DRC11: variants seen among roughly 807,000 people sequenced by gnomAD.
DRC11 encodes IQ and AAA domain-containing protein 1.
chr2:236,493,875 T>A, the DRC11 span: 1 of 1,602,036 alleles, frequency 6.2e-7, no homozygotes, highest in Non-Finnish European at 8.5e-7. Context: ...GGTATGGGAA[T>A]ATCTAATTGT....
the DRC11 span, among the ~76,000 whole-genome samples, chr2:236,475,207 C>T: frequency 5.3e-5 from 8 of 152,256 alleles, no homozygotes; most frequent in East Asian, 7.7e-4. The surrounding 1 kb of genome is among the most constrained non-coding windows in gnomAD (Gnocchi z 4.8). Context: ...TTAGCTCCCA[C>T]GTACAAGTGA....
chr2:236,421,741 G>C, the DRC11 span, among the ~76,000 whole-genome samples: 18 of 152,140 alleles, frequency 1.2e-4, no homozygotes, highest in Non-Finnish European at 2.4e-4. Flanking sequence ...ACCAAAGCCT[G>C]GCAGAGACAC....
the DRC11 span, among the ~76,000 whole-genome samples, chr2:236,307,913 G>T: frequency 1.3e-5 from 2 of 152,210 alleles, no homozygotes; most frequent in South Asian, 4.1e-4. This position sits in a 1 kb window ranked among gnomAD's most constrained non-coding sequence, Gnocchi z 7.0. Context: ...TCATATGCTT[G>T]CGGGGGCACA....
chr2:236,483,066 A>G, the DRC11 span, among the ~76,000 whole-genome samples: 1 of 152,202 alleles, frequency 6.6e-6, no homozygotes, highest in Non-Finnish European at 1.5e-5. The surrounding 1 kb of genome is among the most constrained non-coding windows in gnomAD (Gnocchi z 4.8). Flanking sequence ...AGTCCCTGAC[A>G]ACCACCACCT....
the DRC11 span, among the ~76,000 whole-genome samples, chr2:236,497,641 A>T: frequency 6.6e-6 from 1 of 152,232 alleles, no homozygotes; most frequent in African/African-American, 2.4e-5. The surrounding 1 kb of genome is among the most constrained non-coding windows in gnomAD (Gnocchi z 5.1). Flanking sequence ...GACAATTTAT[A>T]TCCTGTTCTG....
the DRC11 span, among the ~76,000 whole-genome samples, chr2:236,435,020 T>C: frequency 1.3e-5 from 2 of 152,172 alleles, no homozygotes; most frequent in African/African-American, 4.8e-5. Flanking sequence ...GGAGGAGTCC[T>C]CTAGAGGGCT....
chr2:236,369,115 G>C, the DRC11 span: 1 of 152,310 alleles, frequency 6.6e-6, no homozygotes, highest in Non-Finnish European at 1.5e-5. This position sits in a 1 kb window ranked among gnomAD's most constrained non-coding sequence, Gnocchi z 4.5. Context: ...ACCATGTCTG[G>C]ATTTTTTTCC....
chr2:236,482,163 C>T, the DRC11 span, among the ~76,000 whole-genome samples: 1 of 147,220 alleles, frequency 6.8e-6, no homozygotes, highest in Middle Eastern at 4.0e-3. This position sits in a 1 kb window ranked among gnomAD's most constrained non-coding sequence, Gnocchi z 4.5. Context: ...ATTCTAAATC[C>T]TGAATTTTTA....
the DRC11 span, among the ~76,000 whole-genome samples, chr2:236,505,790 G>A: frequency 3.3e-5 from 5 of 151,986 alleles, no homozygotes; most frequent in South Asian, 4.2e-4. Flanking sequence ...CACTACCAAC[G>A]ATGTCACCCA....
chr2:236,312,036 A>G, the DRC11 span, among the ~76,000 whole-genome samples: 3 of 152,268 alleles, frequency 2.0e-5, no homozygotes, highest in South Asian at 6.2e-4. Flanking sequence ...ATAATATTTT[A>G]AATCATTAAT....
the DRC11 span, among the ~76,000 whole-genome samples, chr2:236,416,720 T>TA: frequency 1.4e-4 from 8 of 58,382 alleles, no homozygotes; most frequent in South Asian, 6.5e-4. Context: ...TATATATATA[T>TA]TTATATATAT....
chr2:236,473,469 T>C, the DRC11 span, among the ~76,000 whole-genome samples: 7 of 152,254 alleles, frequency 4.6e-5, no homozygotes, highest in Admixed American at 4.6e-4. The surrounding 1 kb of genome is among the most constrained non-coding windows in gnomAD (Gnocchi z 4.8). Context: ...GGTTTTACGA[T>C]GCTTTTAGGA....
the DRC11 span, among the ~76,000 whole-genome samples, chr2:236,319,455 A>G: frequency 2.0e-5 from 3 of 152,180 alleles, no homozygotes; most frequent in Non-Finnish European, 4.4e-5. This position sits in a 1 kb window ranked among gnomAD's most constrained non-coding sequence, Gnocchi z 6.7. Context: ...AGTTGACTGA[A>G]GAGACTACAT....
the DRC11 span, among the ~76,000 whole-genome samples, chr2:236,481,676 T>C: frequency 1.3e-5 from 2 of 152,250 alleles, no homozygotes; most frequent in East Asian, 3.9e-4. Context: ...AAAATGAAGA[T>C]GATTACAGAC....
chr2:236,441,091 G>T, the DRC11 span: 2 of 1,560,668 alleles, frequency 1.3e-6, no homozygotes, highest in Non-Finnish European at 1.7e-6. Flanking sequence ...CTTCTTCAAC[G>T]TCAGGGTAGT....
the DRC11 span, among the ~76,000 whole-genome samples, chr2:236,504,325 C>T: frequency 6.6e-6 from 1 of 152,160 alleles, no homozygotes; most frequent in Non-Finnish European, 1.5e-5. The surrounding 1 kb of genome is among the most constrained non-coding windows in gnomAD (Gnocchi z 5.0). Context: ...AGATACACCA[C>T]ATTTTGTTTA....
At chr2:236,370,388 G>T in the DRC11 span, among the ~76,000 whole-genome samples, 1 of 152,186 alleles carries the variant, frequency 6.6e-6, no homozygotes, top group Admixed American at 6.5e-5. This position sits in a 1 kb window ranked among gnomAD's most constrained non-coding sequence, Gnocchi z 5.5. Flanking sequence ...GTAAGTAAAG[G>T]CCTGGCATCT....
At chr2:236,326,804 GTGT>G in the DRC11 span, among the ~76,000 whole-genome samples, 5 of 83,418 alleles carry the variant, frequency 6.0e-5, no homozygotes, top group Non-Finnish European at 8.0e-5. Context: ...GTGTGTGTGT[GTGT>G]GTGTGTGTGT....
the DRC11 span, among the ~76,000 whole-genome samples, chr2:236,357,267 A>ATG: frequency 1.1e-4 from 10 of 87,416 alleles, no homozygotes; most frequent in African/African-American, 4.8e-4. Context: ...TATATTATAA[A>ATG]TATACATATA....
Sources: gnomAD v4.1 joint callset for allele counts (sites outside exome capture counted in the v4.1 genomes callset) on GRCh38, gnomAD v4.1.1 for gene constraint, Gnocchi (gnomAD v3.1) non-coding constraint, MANE v1.5 for transcripts, NCBI Gene and HGNC (gene_info 2026-07-23, HGNC 2026-07-21) for gene names.